KCNAB1: variants seen among roughly 807,000 people sequenced by gnomAD.
KCNAB1 encodes potassium voltage-gated channel subfamily A regulatory beta subunit 1.
A neutral mutation model predicts 64.6 loss-of-function variants in KCNAB1; 35 were observed. The ratio of observed to expected loss-of-function variants is 0.54; its 90% CI spans 0.41 to 0.72. The LOEUF (loss-of-function observed/expected upper bound fraction) is 0.72. Ranked by LOEUF, KCNAB1 falls within the 30% of genes least tolerant of loss-of-function variation. The pLI is 0.00. For missense variants in KCNAB1, 401 were observed against 512.9 expected (o/e 0.78, Z 2.11); for synonymous variants, 177 against 183.8 (o/e 0.96, Z 0.30).
At position 156,322,114 on chromosome 3, in the gene KCNAB1, C is replaced by T. The variant is rs148951921; in HGVS notation, c.276-99502C>T. Reference sequence around the variant, plus strand: ...CCTAGTGAGATGCTCACTCGCACAGCGACAGTCACAAAGGACTGGGTCCAG... The same window carrying T: ...CCTAGTGAGATGCTCACTCGCACAGTGACAGTCACAAAGGACTGGGTCCAG... On this transcript the variant is annotated intron_variant, in intron 1 of 13. Transcript: ENST00000490337. 5.2e-4 allele frequency among the ~76,000 whole-genome samples: 79 copies of T among 152,264 alleles called. No homozygotes were observed. In the East Asian group the frequency reaches 0.014, roughly 26 times the overall value.
At chr3:156,224,331 G>A (rs1469776982) in intron 1 of KCNAB1, among the ~76,000 whole-genome samples, 1 of 152,232 alleles carries the variant, frequency 6.6e-6, no homozygotes, top group East Asian at 1.9e-4. Context: ...TGCAAGCTGA[G>A]GGAGCCGGCT....
intron 1 of KCNAB1, among the ~76,000 whole-genome samples, chr3:156,341,374 A>G (rs1724103349): frequency 6.6e-6 from 1 of 152,226 alleles, no homozygotes; most frequent in African/African-American, 2.4e-5. Context: ...TTCCAAGAAA[A>G]AGCGATACCA....
chr3:156,322,979 G>T (rs375051213), intron 1 of KCNAB1, among the ~76,000 whole-genome samples: 1 of 152,138 alleles, frequency 6.6e-6, no homozygotes, highest in Non-Finnish European at 1.5e-5. Flanking sequence ...TGATGCTACC[G>T]ATGTGCCAAG....
chr3:156,430,138 C>T (rs1319774723), intron 2 of KCNAB1, among the ~76,000 whole-genome samples: 2 of 151,970 alleles, frequency 1.3e-5, no homozygotes, highest in African/African-American at 4.9e-5. Flanking sequence ...TCTGAATCAG[C>T]AGGGACTGCT....
chr3:156,178,842 A>G (rs184092863), intron 1 of KCNAB1, among the ~76,000 whole-genome samples: 1 of 152,052 alleles, frequency 6.6e-6, no homozygotes, highest in East Asian at 1.9e-4. Context: ...TCTACTAAAA[A>G]TACAAAAAAT....
chr3:156,134,151 A>G (rs1285835029), intron 1 of KCNAB1, among the ~76,000 whole-genome samples: 3 of 152,218 alleles, frequency 2.0e-5, no homozygotes, highest in Non-Finnish European at 4.4e-5. Flanking sequence ...ACTCTCATTT[A>G]TCTTAATAAA....
At chr3:156,238,331 AGAATG>A (rs1240190469) in intron 1 of KCNAB1, among the ~76,000 whole-genome samples, 1 of 150,306 alleles carries the variant, frequency 6.7e-6, no homozygotes, top group African/African-American at 2.4e-5. Flanking sequence ...CTGAGGCAGG[AGAATG>A]GCGTGAACCC....
intron 1 of KCNAB1, among the ~76,000 whole-genome samples, chr3:156,243,159 C>T (rs1031659095): frequency 1.2e-4 from 18 of 152,080 alleles, no homozygotes; most frequent in Admixed American, 2.6e-4. Context: ...CCACCCGCCT[C>T]GGCCTCCCAA....
intron 1 of KCNAB1, among the ~76,000 whole-genome samples, chr3:156,285,132 A>G (rs1335776147): frequency 1.3e-5 from 2 of 152,228 alleles, no homozygotes; most frequent in Non-Finnish European, 2.9e-5. Flanking sequence ...GCATTATGTC[A>G]TAAGTGACCA....
intron 8 of KCNAB1, among the ~76,000 whole-genome samples, chr3:156,501,237 C>T (rs776309985): frequency 1.3e-5 from 2 of 152,024 alleles, no homozygotes; most frequent in Non-Finnish European, 2.9e-5. Context: ...AAAGCCTGCA[C>T]AGGCAAGAAG....
Position 156,508,705 on chromosome 3 carries a change from C to A in KCNAB1, c.659-5659C>A, listed in dbSNP as rs528823479. Among the ~76,000 whole-genome samples the A allele has an allele frequency of 1.4e-4, 21 of 152,286 alleles. No homozygotes were observed. Among genetic ancestry groups the A allele is most frequent in the Admixed American group, 2.6e-4 (4 of 15,298 alleles). On this transcript the variant is annotated intron_variant, in intron 8 of 13. Transcript: ENST00000490337. The surrounding 1 kb of genome is among the most constrained non-coding windows in gnomAD (Gnocchi z 4.1). ...GTCAAGCTTTGAAAGAATTTCACAA[C>A]ATCCATATCATTTCTCACTTTACAG...
chr3:156,490,752 G>C (rs1386512607), intron 8 of KCNAB1, among the ~76,000 whole-genome samples: 1 of 152,042 alleles, frequency 6.6e-6, no homozygotes, highest in Non-Finnish European at 1.5e-5. Flanking sequence ...TCTTGAGAGA[G>C]AACAGATAAA....
intron 1 of KCNAB1, among the ~76,000 whole-genome samples, chr3:156,292,569 G>T (rs189874253): frequency 2.6e-5 from 4 of 151,938 alleles, no homozygotes; most frequent in African/African-American, 4.8e-5. Context: ...ACAGAGTCTC[G>T]CTCTGTTGCC....
At chr3:156,392,067 G>A (rs1479578636) in intron 1 of KCNAB1, among the ~76,000 whole-genome samples, 3 of 152,152 alleles carry the variant, frequency 2.0e-5, no homozygotes, top group Non-Finnish European at 2.9e-5. Flanking sequence ...CCTCCTCAGA[G>A]AGGACTTCCA....
At chr3:156,522,821 C>T (rs1290850552) in intron 11 of KCNAB1, among the ~76,000 whole-genome samples, 2 of 106,400 alleles carry the variant, frequency 1.9e-5, no homozygotes, top group South Asian at 2.7e-4. Flanking sequence ...TAAAGATCTG[C>T]GATGGCTATT....
chr3:156,455,375 T>C (rs377334313), intron 3 of KCNAB1, among the ~76,000 whole-genome samples: 8 of 152,354 alleles, frequency 5.3e-5, no homozygotes, highest in Admixed American at 2.6e-4. Context: ...AGTTCATTTA[T>C]TGAATTACCA....
intron 1 of KCNAB1, among the ~76,000 whole-genome samples, chr3:156,168,127 C>T (rs777025008): frequency 1.3e-5 from 2 of 152,062 alleles, no homozygotes; most frequent in African/African-American, 2.4e-5. Context: ...AGCATGGACC[C>T]GGGATGCAGA....
intron 2 of KCNAB1, among the ~76,000 whole-genome samples, chr3:156,431,160 C>A (rs1053059102): frequency 6.6e-6 from 1 of 152,108 alleles, no homozygotes; most frequent in African/African-American, 2.4e-5. Flanking sequence ...CTCCTTTGCA[C>A]ACTGCCCTAA....
chr3:156,335,853 G>GTTTT lies in KCNAB1; in HGVS notation c.276-85750_276-85747dup, dbSNP rs4056366. Among the ~76,000 whole-genome samples the GTTTT allele has an allele frequency of 8.4e-3, 1,130 of 135,256 alleles. 29 individuals carry two copies. The highest frequency in any genetic ancestry group is 0.029 in the African/African-American group (1,053 of 36,854). The allele number at this position is 135,256 out of a possible 152,430, so 88.7% of individuals were successfully genotyped here. A position where few individuals can be genotyped will look rare whatever the true frequency, so the allele number is the denominator to read the frequency against. Reference sequence around the variant, plus strand: ...AGTGTGATTCTATAAAATTGTTTGGGTTTTTTTTTTTTTTTTGCATTACAC... The same window carrying GTTTT: ...AGTGTGATTCTATAAAATTGTTTGGGTTTTTTTTTTTTTTTTTTTTGCATTACAC... On this transcript the variant is annotated intron_variant, in intron 1 of 13. Coordinates refer to ENST00000490337, the MANE Select transcript of KCNAB1 (RefSeq NM_172160.3).
Sources: gnomAD v4.1 joint callset for allele counts (sites outside exome capture counted in the v4.1 genomes callset) on GRCh38, gnomAD v4.1.1 for gene constraint, Gnocchi (gnomAD v3.1) non-coding constraint, MANE v1.5 for transcripts, NCBI Gene and HGNC (gene_info 2026-07-23, HGNC 2026-07-21) for gene names.